The following OR2V2 variants were observed in gnomAD, a reference collection of about 807,000 sequenced individuals.
OR2V2 encodes olfactory receptor 2V2.
For missense variants in OR2V2, 392 were observed against 392.2 expected, an observed-to-expected ratio of 1.00 and a Z score of 0.00; for synonymous variants, 161 against 151.3, an observed-to-expected ratio of 1.06 and a Z score of -0.47.
rs1763281250 is a variant in OR2V2, at chr5:181,157,531, G to A, written c.*1641G>A. The A allele has an allele frequency of 6.6e-6, 1 of 152,236 alleles. No individual in the cohort carries two copies. Among genetic ancestry groups the A allele is most frequent in the Non-Finnish European group, 1.5e-5 (1 of 68,046 alleles). 9.4% of individuals were successfully genotyped at this position (152,236 alleles called of 1,614,324 possible). ...CCTTCCCTTGGGGGTTTAATTGCCTGAAAAGGTGTCTCCAAGGACTGGTGA... is the reference window on the plus strand; with the variant it reads ...CCTTCCCTTGGGGGTTTAATTGCCTAAAAAGGTGTCTCCAAGGACTGGTGA... On this transcript the variant is annotated 3_prime_UTR_variant, in exon 2 of 2. Coordinates refer to ENST00000641492, the MANE Select transcript of OR2V2 (RefSeq NM_206880.2).
intron 1 of OR2V2, among the ~76,000 whole-genome samples, chr5:181,148,493 G>T (rs2546438): frequency 0.085 from 12,959 of 152,260 alleles, 780 homozygotes; most frequent in African/African-American, 0.18. Context: ...CAGCAGAAAG[G>T]TCTGAAGTTA....
At position 181,155,419 on chromosome 5, in the gene OR2V2, C is replaced by T. The variant is rs1763250559; in HGVS notation, c.477C>T (p.Ile159=). The T allele has an allele frequency of 1.2e-6, 2 of 1,614,176 alleles. No homozygotes were observed. The highest frequency in any genetic ancestry group is 2.7e-5 in the African/African-American group (2 of 75,044). Residue 159 remains isoleucine (I), a synonymous_variant, in exon 2 of 2, where the codon ATC becomes ATT. Coordinates refer to ENST00000641492, the MANE Select transcript of OR2V2 (RefSeq NM_206880.2). ...SWAFGIIDGL[I]QMVVVMNFPY... ...CCTTTGGGATAATCGATGGCTTGATCCAGATGGTGGTAGTAATGAATTTCC... is the reference window on the plus strand; with the variant it reads ...CCTTTGGGATAATCGATGGCTTGATTCAGATGGTGGTAGTAATGAATTTCC...
At chr5:181,150,215 G>A (rs1189782890) in intron 1 of OR2V2, among the ~76,000 whole-genome samples, 6 of 152,368 alleles carry the variant, frequency 3.9e-5, no homozygotes, top group Non-Finnish European at 2.9e-5. Flanking sequence ...GTGGAACACA[G>A]CTCAAGTGGC....
Position 181,156,866 on chromosome 5 carries a change from T to C in OR2V2, c.*976T>C, listed in dbSNP as rs1763272797. 1 of 152,258 alleles carries C rather than the reference T, an allele frequency of 6.6e-6. No homozygotes were observed. The highest frequency in any genetic ancestry group is 2.1e-4 in the South Asian group (1 of 4,830). The allele number at this position is 152,258 out of a possible 1,614,324, so 9.4% of individuals were successfully genotyped here. ...AAAAGCATACAAGTTGTCTTTGAGA[T>C]AATGAGGGACAGGGTAGAGACATGC... On this transcript the variant is annotated 3_prime_UTR_variant, in exon 2 of 2. Transcript: ENST00000641492.
chr5:181,150,666 A>C (rs548067237), intron 1 of OR2V2, among the ~76,000 whole-genome samples: 1 of 152,152 alleles, frequency 6.6e-6, no homozygotes, highest in Non-Finnish European at 1.5e-5. Context: ...CAGCCAGTGG[A>C]ATAGAGCAGA....
rs1192609188 is a variant in OR2V2, at chr5:181,156,161, C to G, written c.*271C>G. The stretch of plus-strand genomic sequence containing the variant: ...TTACTCTGTCACCCAGGCTAGAGTG[C>G]AGTGACACAATCTCGGCTTATAGCA... On this transcript the variant is annotated 3_prime_UTR_variant, in exon 2 of 2. Coordinates refer to ENST00000641492, the MANE Select transcript of OR2V2 (RefSeq NM_206880.2). 2.6e-6 allele frequency: 1 copy of G among 384,644 alleles called. No individual in the cohort carries two copies. The highest frequency in any genetic ancestry group is 2.1e-5 in the African/African-American group (1 of 48,626). 23.8% of individuals were successfully genotyped at this position (384,644 alleles called of 1,614,324 possible).
At chr5:181,150,678 G>A (rs1763180063) in intron 1 of OR2V2, among the ~76,000 whole-genome samples, 1 of 152,172 alleles carries the variant, frequency 6.6e-6, no homozygotes, top group Non-Finnish European at 1.5e-5. Context: ...TAGAGCAGAT[G>A]ATTCAGAACC....
chr5:181,150,781 GC>G (rs1338334347), intron 1 of OR2V2, among the ~76,000 whole-genome samples: 1 of 152,040 alleles, frequency 6.6e-6, no homozygotes, highest in Non-Finnish European at 1.5e-5. Context: ...TTCAAGACCA[GC>G]CTGGGAAACA....
rs1554096602 is a variant in OR2V2, at chr5:181,158,345, G to GC, written c.*2455_*2456insC. On this transcript the variant is annotated 3_prime_UTR_variant, in exon 2 of 2. Transcript: ENST00000641492. Reference sequence around the variant, plus strand: ...AGAGAGGAAATACATGTGGGGGGGGGGCAGGTGCGGTGGCTCACATCTGTA... The same window carrying GC: ...AGAGAGGAAATACATGTGGGGGGGGGCGCAGGTGCGGTGGCTCACATCTGTA... 6.1e-5 allele frequency: 9 copies of GC among 148,106 alleles called. No homozygotes were observed. Among genetic ancestry groups the GC allele is most frequent in the Admixed American group, 1.4e-4 (2 of 14,586 alleles). 9.2% of individuals were successfully genotyped at this position (148,106 alleles called of 1,614,324 possible). A position where few individuals can be genotyped will look rare whatever the true frequency, so the allele number is the denominator to read the frequency against.
rs768422192 is a variant in OR2V2 at position 181,158,488 on chromosome 5, C to A, written c.*2598C>A. On this transcript the variant is annotated 3_prime_UTR_variant, in exon 2 of 2. Coordinates refer to ENST00000641492, the MANE Select transcript of OR2V2 (RefSeq NM_206880.2). ...CTCTACAAAAAGTACAAAAATCAGC[C>A]GGGCGTGGTTACTTGGGAGGCTGAG... is the stretch of plus-strand genomic sequence containing the variant. 2 of 151,866 alleles carry A rather than the reference C, an allele frequency of 1.3e-5. No homozygotes were observed. Among genetic ancestry groups the A allele is most frequent in the African/African-American group, 4.8e-5 (2 of 41,290 alleles). The allele number at this position is 151,866 out of a possible 1,614,324, so 9.4% of individuals were successfully genotyped here. A position where few individuals can be genotyped will look rare whatever the true frequency, so the allele number is the denominator to read the frequency against.
chr5:181,154,386 G>T (rs943182624), intron 1 of OR2V2, among the ~76,000 whole-genome samples: 1 of 152,094 alleles, frequency 6.6e-6, no homozygotes, highest in Admixed American at 6.6e-5. Context: ...TCAGGAGATC[G>T]AGAGCATCCT....
Position 181,157,145 on chromosome 5 carries a change from A to G in OR2V2, c.*1255A>G, listed in dbSNP as rs1258365532. 1 of 152,262 alleles carries G rather than the reference A, an allele frequency of 6.6e-6. No individual in the cohort carries two copies. Among genetic ancestry groups the G allele is most frequent in the Non-Finnish European group, 1.5e-5 (1 of 68,048 alleles). 9.4% of individuals were successfully genotyped at this position (152,262 alleles called of 1,614,324 possible). A position where few individuals can be genotyped will look rare whatever the true frequency, so the allele number is the denominator to read the frequency against. On this transcript the variant is annotated 3_prime_UTR_variant, in exon 2 of 2. Coordinates refer to ENST00000641492, the MANE Select transcript of OR2V2 (RefSeq NM_206880.2). ...CAAGCTCTGTACCTGTCCTATTTGC[A>G]GTAAAATTCTCTTTTCATGGAAAAA... is the stretch of plus-strand genomic sequence containing the variant.
In OR2V2 at chr5:181,157,876, CTT is replaced by C. The variant is rs889449045; in HGVS notation, c.*1988_*1989del. The C allele has an allele frequency of 1.3e-5, 2 of 152,178 alleles. No homozygotes were observed. The highest frequency in any genetic ancestry group is 2.4e-5 in the African/African-American group (1 of 41,438). 9.4% of individuals were successfully genotyped at this position (152,178 alleles called of 1,614,324 possible). ...TACCTTGAGTGTTTCAACCACAACT[CTT>C]TATCTATAGCCACTGAACCCCTAGA... is the stretch of plus-strand genomic sequence containing the variant. On this transcript the variant is annotated 3_prime_UTR_variant, in exon 2 of 2. Transcript: ENST00000641492.
chr5:181,157,660 C>A lies in OR2V2; in HGVS notation c.*1770C>A, dbSNP rs917167119. 2.6e-5 allele frequency: 4 copies of A among 152,196 alleles called. No individual in the cohort carries two copies. The highest frequency in any genetic ancestry group is 2.6e-4 in the Admixed American group (4 of 15,278). 9.4% of individuals were successfully genotyped at this position (152,196 alleles called of 1,614,324 possible). On this transcript the variant is annotated 3_prime_UTR_variant, in exon 2 of 2. Coordinates refer to ENST00000641492, the MANE Select transcript of OR2V2 (RefSeq NM_206880.2). ...ACTTGCTGATATCACTTAGGTAATGCCCAACCTACCAAATTAATTTAAGCT... is the reference window on the plus strand; with the variant it reads ...ACTTGCTGATATCACTTAGGTAATGACCAACCTACCAAATTAATTTAAGCT...
At chr5:181,150,517 T>C (rs1763178976) in intron 1 of OR2V2, among the ~76,000 whole-genome samples, 1 of 152,192 alleles carries the variant, frequency 6.6e-6, no homozygotes, top group South Asian at 2.1e-4. Context: ...AATCCTCTGC[T>C]TTCGGAACAT....
In OR2V2 at chr5:181,158,627, G is replaced by A. The variant is rs985631125; in HGVS notation, c.*2737G>A. 1 of 151,982 alleles carries A rather than the reference G, an allele frequency of 6.6e-6. No individual in the cohort carries two copies. Among genetic ancestry groups the A allele is most frequent in the Non-Finnish European group, 1.5e-5 (1 of 67,988 alleles). The allele number at this position is 151,982 out of a possible 1,614,324, so 9.4% of individuals were successfully genotyped here. A position where few individuals can be genotyped will look rare whatever the true frequency, so the allele number is the denominator to read the frequency against. On this transcript the variant is annotated 3_prime_UTR_variant, in exon 2 of 2. Transcript: ENST00000641492. The stretch of plus-strand genomic sequence containing the variant: ...GGGCCACAGAGCAGAAGCCTGTCTC[G>A]AAAATAAATAAGTAAATAAATAAAT...
Position 181,154,950 on chromosome 5 carries a change from C to T in OR2V2, c.8C>T (p.Thr3Met), listed in dbSNP as rs376563166. METWVNQSYTDGF... is the reference protein window; with the variant it reads MEMWVNQSYTDGF... ...AGGAGCAACAACCGAGCCATGGAGA[C>T]GTGGGTGAACCAGTCCTACACAGAT... The change falls in exon 2 of 2, where the codon ACG becomes ATG. Residue 3 changes from threonine (T) to methionine (M), a missense_variant. Coordinates refer to ENST00000641492, the MANE Select transcript of OR2V2 (RefSeq NM_206880.2). The T allele has an allele frequency of 2.0e-5, 33 of 1,612,022 alleles. No individual in the cohort carries two copies. Among genetic ancestry groups the T allele is most frequent in the African/African-American group, 8.0e-5 (6 of 75,010 alleles).
At position 181,155,181 on chromosome 5, in the gene OR2V2, C is replaced by T. The variant is rs764904683; in HGVS notation, c.239C>T (p.Pro80Leu). 1 of 1,614,166 alleles carries T rather than the reference C, an allele frequency of 6.2e-7. No homozygotes were observed. The highest frequency in any genetic ancestry group is 8.5e-7 in the Non-Finnish European group (1 of 1,180,052). ...MDLMLVCTNVPKMAANFLSGR... is the reference protein window; with the variant it reads ...MDLMLVCTNVLKMAANFLSGR... ...CTCATGTTGGTCTGTACCAATGTGC[C>T]AAAGATGGCAGCCAACTTCCTGTCT... Residue 80 changes from proline to leucine, a missense_variant, in exon 2 of 2, where the codon CCA (proline) becomes CTA (leucine). Physicochemically the swap from Pro to Leu is moderately conservative, Grantham distance 98. Transcript: ENST00000641492.
rs778791176 is a variant in OR2V2, at chr5:181,155,495, T to C, written c.553T>C (p.Leu185=). 18 of 1,614,102 alleles carry C rather than the reference T, an allele frequency of 1.1e-5. No individual in the cohort carries two copies. In the South Asian group the frequency reaches 1.9e-4, roughly 17 times the overall value. Residue 185 remains leucine (L), a synonymous_variant, in exon 2 of 2, where the codon TTG becomes CTG. Coordinates refer to ENST00000641492, the MANE Select transcript of OR2V2 (RefSeq NM_206880.2). ...VNHFFCEMLS[L]LKLACVDTSL... ...CCATTTCTTCTGTGAGATGCTATCC[T>C]TGTTGAAGCTGGCCTGTGTAGACAC...
Sources: gnomAD v4.1 joint callset for allele counts (sites outside exome capture counted in the v4.1 genomes callset) on GRCh38, gnomAD v4.1.1 for gene constraint, MANE v1.5 for transcripts, NCBI Gene and HGNC (gene_info 2026-07-23, HGNC 2026-07-21) for gene names.